Variants in ZNF385D observed in about 807,000 individuals in gnomAD.
The protein encoded by ZNF385D is zinc finger protein 385D.
ZNF385D carries 15 observed loss-of-function variants against 35.8 expected under a neutral mutation model. The observed-to-expected ratio is 0.42, with a 90% CI of 0.28 to 0.64. The LOEUF (loss-of-function observed/expected upper bound fraction) is 0.64, where lower values mean the gene tolerates loss of function less well. ZNF385D is among the 30% of genes least tolerant of loss of function. ZNF385D has a pLI of 0.23. For missense variants in ZNF385D, 474 were observed against 494.6 expected, an observed-to-expected ratio of 0.96 and a Z score of 0.39; for synonymous variants, 212 against 186.8, an observed-to-expected ratio of 1.13 and a Z score of -1.10.
chr3:21,785,796 C>A (rs2071665238), intron 3 of ZNF385D, among the ~76,000 whole-genome samples: 1 of 152,182 alleles, frequency 6.6e-6, no homozygotes, highest in East Asian at 1.9e-4. Flanking sequence ...GTAAATAGGA[C>A]ACTTTTGTTT....
intron 1 of ZNF385D, among the ~76,000 whole-genome samples, chr3:21,679,960 A>G (rs1370111867): frequency 2.0e-5 from 3 of 152,096 alleles, no homozygotes; most frequent in Admixed American, 6.6e-5. Flanking sequence ...CTGACAAAAT[A>G]TTGTATGAGA....
At chr3:21,453,748 G>A (rs1702612004) in intron 4 of ZNF385D, among the ~76,000 whole-genome samples, 1 of 151,980 alleles carries the variant, frequency 6.6e-6, no homozygotes, top group South Asian at 2.1e-4. Flanking sequence ...TGAAATCTTT[G>A]TATGTTACTG....
chr3:21,631,458 C>A (rs538416264), intron 2 of ZNF385D, among the ~76,000 whole-genome samples: 19 of 152,214 alleles, frequency 1.2e-4, no homozygotes, highest in Admixed American at 1.2e-3. Flanking sequence ...TGGAACCAAT[C>A]AAAAATATTT....
At chr3:21,771,355 A>G (rs939461817) in intron 3 of ZNF385D, among the ~76,000 whole-genome samples, 10 of 151,972 alleles carry the variant, frequency 6.6e-5, no homozygotes, top group African/African-American at 2.4e-4. Flanking sequence ...TATATAATAC[A>G]GAAAGCCCTG....
At chr3:21,842,388 T>C (rs1362834690) in intron 3 of ZNF385D, among the ~76,000 whole-genome samples, 1 of 152,040 alleles carries the variant, frequency 6.6e-6, no homozygotes, top group Non-Finnish European at 1.5e-5. Flanking sequence ...CTATCAGATC[T>C]GATTCCTATT....
At chr3:21,559,697 A>G (rs946118547) in intron 3 of ZNF385D, among the ~76,000 whole-genome samples, 12 of 152,174 alleles carry the variant, frequency 7.9e-5, no homozygotes, top group East Asian at 3.9e-4. Flanking sequence ...CTGAATTTCA[A>G]TGTTGGCCTG....
At chr3:21,772,024 A>C (rs2071097252) in intron 3 of ZNF385D, among the ~76,000 whole-genome samples, 1 of 151,984 alleles carries the variant, frequency 6.6e-6, no homozygotes, top group Admixed American at 6.6e-5. Flanking sequence ...CTGGATATCT[A>C]CAAGCAAAAG....
chr3:21,485,779 C>T (rs1704983861), intron 4 of ZNF385D, among the ~76,000 whole-genome samples: 1 of 152,034 alleles, frequency 6.6e-6, no homozygotes, highest in African/African-American at 2.4e-5. Context: ...ATTGATCATC[C>T]TCCCTATGAT....
At chr3:22,179,333 TTC>T (rs748509914) in intron 2 of ZNF385D, among the ~76,000 whole-genome samples, 1 of 152,244 alleles carries the variant, frequency 6.6e-6, no homozygotes, top group Non-Finnish European at 1.5e-5. Context: ...AGGTATTTTA[TTC>T]TCTTTGAAGA....
At chr3:21,766,307 G>A (rs183636113) in intron 3 of ZNF385D, among the ~76,000 whole-genome samples, 5 of 152,184 alleles carry the variant, frequency 3.3e-5, no homozygotes, top group East Asian at 3.9e-4. Context: ...ATGGTCAAAC[G>A]TTTTATTATT....
Position 21,465,837 on chromosome 3 carries a change from C to T in ZNF385D, c.440-28634G>A, listed in dbSNP as rs893831346. Among the ~76,000 whole-genome samples, 11 of 152,180 alleles carry T rather than the reference C, an allele frequency of 7.2e-5. No individual in the cohort carries two copies. Among genetic ancestry groups the T allele is most frequent in the African/African-American group, 2.7e-4 (11 of 41,444 alleles). On this transcript the variant is annotated intron_variant, in intron 4 of 7. Coordinates refer to ENST00000281523, the MANE Select transcript of ZNF385D (RefSeq NM_024697.3). The surrounding 1 kb of genome is among the most constrained non-coding windows in gnomAD (Gnocchi z 4.2). ...GGCAAATAGTCAGATGCCCTTCCTG[C>T]AGGCTGACCCACTCTCAGGCTACAC...
At chr3:21,893,063 T>C (rs1698958944) in intron 3 of ZNF385D, among the ~76,000 whole-genome samples, 1 of 152,128 alleles carries the variant, frequency 6.6e-6, no homozygotes, top group Non-Finnish European at 1.5e-5. Context: ...TAGAGGTAAA[T>C]AGGACTAGCC....
At chr3:22,026,025 G>A (rs1697524537) in intron 3 of ZNF385D, among the ~76,000 whole-genome samples, 1 of 152,160 alleles carries the variant, frequency 6.6e-6, no homozygotes, top group Admixed American at 6.5e-5. Context: ...AGGCAAAGCA[G>A]CAATCAGAAT....
intron 2 of ZNF385D, among the ~76,000 whole-genome samples, chr3:21,569,071 A>G (rs1267117674): frequency 6.6e-6 from 1 of 152,150 alleles, no homozygotes. Flanking sequence ...GTAGATGTCT[A>G]TTAGGTCCGC....
At chr3:21,600,261 C>G (rs2064245916) in intron 2 of ZNF385D, among the ~76,000 whole-genome samples, 1 of 152,188 alleles carries the variant, frequency 6.6e-6, no homozygotes, top group Admixed American at 6.5e-5. Context: ...TCTTAATAAA[C>G]TTGCTTTCAC....
rs924217913 is a variant in ZNF385D, at chr3:22,318,752, G to A, written c.106+53698C>T. On this transcript the variant is annotated intron_variant, in intron 2 of 5. Coordinates refer to the ZNF385D transcript ENST00000494108. ...TAAAGAAACAACCCAGAGTATACTG[G>A]AATGAACAATGTAGAAGTAATTAAG... Among the ~76,000 whole-genome samples, 23 of 152,084 alleles carry A rather than the reference G, an allele frequency of 1.5e-4. 1 individual carries two copies. The highest frequency in any genetic ancestry group is 5.6e-4 in the African/African-American group (23 of 41,396).
chr3:22,062,223 TTTA>T (rs1481458243), intron 3 of ZNF385D, among the ~76,000 whole-genome samples: 4 of 152,154 alleles, frequency 2.6e-5, no homozygotes, highest in African/African-American at 7.2e-5. Flanking sequence ...TATTTTTATT[TTTA>T]TTTTTATTTT....
At chr3:21,680,058 A>G (rs956007205) in intron 1 of ZNF385D, among the ~76,000 whole-genome samples, 1 of 152,102 alleles carries the variant, frequency 6.6e-6, no homozygotes, top group African/African-American at 2.4e-5. Flanking sequence ...AATATTATTT[A>G]TGGTCAGTGG....
At chr3:21,524,685 G>A (rs1708120115) in intron 3 of ZNF385D, among the ~76,000 whole-genome samples, 1 of 152,130 alleles carries the variant, frequency 6.6e-6, no homozygotes, top group Admixed American at 6.5e-5. Context: ...TCCAACTATA[G>A]AAGGCTACAG....
Sources: gnomAD v4.1 joint callset for allele counts (sites outside exome capture counted in the v4.1 genomes callset) on GRCh38, gnomAD v4.1.1 for gene constraint, Gnocchi (gnomAD v3.1) non-coding constraint, MANE v1.5 for transcripts, NCBI Gene and HGNC (gene_info 2026-07-23, HGNC 2026-07-21) for gene names.